Variants in TRPM7 observed in about 807,000 individuals in gnomAD.
The protein encoded by TRPM7 is LTRPC ion channel family member 7.
A neutral mutation model predicts 229.7 loss-of-function variants in TRPM7; 134 were observed. That is an observed-to-expected ratio of 0.58 (90% CI 0.51 to 0.67). The LOEUF is 0.67. Ranked by LOEUF, TRPM7 falls within the 30% of genes least tolerant of loss-of-function variation. The probability of loss-of-function intolerance (pLI) is 0.00; values close to 1 mark genes in which losing one functional copy is unlikely to be tolerated. For missense variants in TRPM7, 1,901 were observed against 2,210.0 expected (o/e 0.86, Z 2.80); for synonymous variants, 699 against 715.2 (o/e 0.98, Z 0.36).
chr15:50,596,481 G>GT, intron 22 of TRPM7, 100 bp from the exon 23 acceptor site: 1 of 997,124 alleles, frequency 1.0e-6, no homozygotes, highest in South Asian at 2.5e-5. Flanking sequence ...TTTACTTAAA[G>GT]TAAGTTTCGA....
chr15:50,639,591 C>G, intron 5 of TRPM7, 43 bp from the exon 6 acceptor site: 1 of 1,579,730 alleles, frequency 6.3e-7, no homozygotes, highest in South Asian at 1.1e-5. Context: ...TTTTTATTTT[C>G]TTAAAGACAG....
chr15:50,585,956 G>C (rs2059330692), intron 28 of TRPM7, among the ~76,000 whole-genome samples: 1 of 152,106 alleles, frequency 6.6e-6, no homozygotes, highest in African/African-American at 2.4e-5. Context: ...AAACTCTAAA[G>C]GGTAGACAAA....
chr15:50,589,842 T>C (rs573107047), intron 26 of TRPM7, among the ~76,000 whole-genome samples, 186 bp from the exon 27 acceptor site: 82 of 141,028 alleles, frequency 5.8e-4, no homozygotes, highest in African/African-American at 2.1e-3. Context: ...TGGTGAAGGT[T>C]ACAGTTTTTT....
chr15:50,597,499 T>C (rs1292887430), intron 22 of TRPM7, among the ~76,000 whole-genome samples: 1 of 152,244 alleles, frequency 6.6e-6, no homozygotes, highest in Non-Finnish European at 1.5e-5. Flanking sequence ...TATGAATCTA[T>C]TTCCATTCTA....
rs1176386655 is a variant in TRPM7, at chr15:50,558,478, A to T, written c.*3200T>A. 6.6e-6 allele frequency: 1 copy of T among 152,178 alleles called. No individual in the cohort carries two copies. The highest frequency in any genetic ancestry group is 1.5e-5 in the Non-Finnish European group (1 of 68,086). 9.4% of individuals were successfully genotyped at this position (152,178 alleles called of 1,614,324 possible). ...GTAGCCGGGGGAGGTGGATCACTTG[A>T]GGTCAGGAGTTTGAGATCAGCCTGG... On this transcript the variant is annotated 3_prime_UTR_variant, in exon 39 of 39. Coordinates refer to ENST00000646667, the MANE Select transcript of TRPM7 (RefSeq NM_017672.6).
intron 1 of TRPM7, among the ~76,000 whole-genome samples, chr15:50,665,051 T>C (rs1460725829): frequency 2.0e-5 from 3 of 152,168 alleles, no homozygotes; most frequent in African/African-American, 7.2e-5. Flanking sequence ...CGCATGTTTC[T>C]GTATATTAGA....
At chr15:50,638,528 G>A (rs937977294) in intron 6 of TRPM7, among the ~76,000 whole-genome samples, 8 of 150,698 alleles carry the variant, frequency 5.3e-5, no homozygotes, top group Admixed American at 5.3e-4. Flanking sequence ...CAGCCTGGGC[G>A]ACAAGAGTGA....
intron 12 of TRPM7, among the ~76,000 whole-genome samples, chr15:50,623,509 G>A (rs2060477274): frequency 7.3e-6 from 1 of 137,474 alleles, no homozygotes; most frequent in Non-Finnish European, 1.6e-5. Context: ...CCCCGCCCTG[G>A]ATTTGGGGGG....
intron 5 of TRPM7, among the ~76,000 whole-genome samples, chr15:50,640,300 C>G (rs2061055478): frequency 6.6e-6 from 1 of 152,042 alleles, no homozygotes; most frequent in Non-Finnish European, 1.5e-5. Flanking sequence ...GAGTCAGGGT[C>G]TCACTCTATT....
At chr15:50,633,027 T>A in intron 8 of TRPM7, 35 bp from the exon 9 acceptor site, 1 of 1,559,670 alleles carries the variant, frequency 6.4e-7, no homozygotes, top group Non-Finnish European at 8.6e-7. Flanking sequence ...ACTGATTTCA[T>A]CTTCCATTAT....
chr15:50,655,211 G>T (rs1384873058), intron 3 of TRPM7, among the ~76,000 whole-genome samples: 1 of 150,314 alleles, frequency 6.7e-6, no homozygotes, highest in South Asian at 2.1e-4. Flanking sequence ...CAAGGCGGGC[G>T]AATCACGAGG....
chr15:50,607,453 CCTTT>C (rs2059948061), intron 19 of TRPM7, 125 bp from the exon 20 acceptor site: 1 of 791,470 alleles, frequency 1.3e-6, no homozygotes, highest in African/African-American at 1.8e-5. Flanking sequence ...CTCCTAGTTT[CCTTT>C]ATTAAAACAA....
intron 6 of TRPM7, 129 bp downstream of exon 6, chr15:50,639,295 G>A (rs1180243398): frequency 1.3e-6 from 1 of 751,030 alleles, no homozygotes; most frequent in East Asian, 3.8e-5. Flanking sequence ...GTAAACCTCA[G>A]GAAAATACCT....
chr15:50,679,351 A>C (rs2062176249), intron 1 of TRPM7, among the ~76,000 whole-genome samples: 3 of 150,414 alleles, frequency 2.0e-5, no homozygotes, highest in Admixed American at 1.3e-4. Flanking sequence ...ACAAAACAGA[A>C]AACTTGGACG....
chr15:50,586,370 T>A (rs758947675), intron 28 of TRPM7, 22 bp downstream of exon 28: 1 of 1,455,042 alleles, frequency 6.9e-7, no homozygotes, highest in South Asian at 1.1e-5. Context: ...TCTGACACTA[T>A]TCATATGGTC....
chr15:50,682,024 A>C (rs2140987470), intron 1 of TRPM7, among the ~76,000 whole-genome samples: 1 of 152,142 alleles, frequency 6.6e-6, no homozygotes, highest in East Asian at 1.9e-4. Context: ...CTAAAAGTAC[A>C]AAAATTAGTC....
At chr15:50,615,317 A>AT (rs971257657) in intron 13 of TRPM7, among the ~76,000 whole-genome samples, 22 of 151,970 alleles carry the variant, frequency 1.4e-4, no homozygotes, top group African/African-American at 2.4e-4. Flanking sequence ...CATGTTAAGT[A>AT]TTTTTTTAAC....
chr15:50,620,662 G>C (rs2060368761), intron 12 of TRPM7, among the ~76,000 whole-genome samples: 1 of 152,160 alleles, frequency 6.6e-6, no homozygotes, highest in South Asian at 2.1e-4. Context: ...TGGGCGCGGT[G>C]GCTCAAGCCT....
At chr15:50,561,956 G>A (rs577292235) in intron 38 of TRPM7, 148 bp from the exon 39 acceptor site, 19 of 738,988 alleles carry the variant, frequency 2.6e-5, no homozygotes, top group East Asian at 3.3e-5. Context: ...GTGCAATGGC[G>A]CGATCTCGGT....
Sources: gnomAD v4.1 joint callset for allele counts (sites outside exome capture counted in the v4.1 genomes callset) on GRCh38, gnomAD v4.1.1 for gene constraint, MANE v1.5 for transcripts, NCBI Gene and HGNC (gene_info 2026-07-23, HGNC 2026-07-21) for gene names.